Variants in OSBPL1A observed in about 807,000 individuals in gnomAD.
OSBPL1A encodes the protein oxysterol-binding protein-related protein 1.
Under a neutral mutation model 137.1 loss-of-function variants are expected in OSBPL1A, and 80 were observed. The observed-to-expected ratio is 0.58, with a 90% CI of 0.49 to 0.70. The LOEUF is 0.70. OSBPL1A is among the 30% of genes least tolerant of loss of function. The pLI is 0.00. For synonymous variants in OSBPL1A, 365 were observed against 389.7 expected, an observed-to-expected ratio of 0.94 and a Z score of 0.75; for missense variants, 970 against 1,129.4, an observed-to-expected ratio of 0.86 and a Z score of 2.02.
intron 17 of OSBPL1A, among the ~76,000 whole-genome samples, chr18:24,209,663 T>C (rs1204285382): frequency 1.3e-5 from 2 of 152,108 alleles, no homozygotes; most frequent in Admixed American, 1.3e-4. Context: ...TAAGCCAAAC[T>C]GTGGGATATT....
intron 7 of OSBPL1A, among the ~76,000 whole-genome samples, chr18:24,330,108 T>C (rs1205165609): frequency 6.6e-6 from 1 of 152,180 alleles, no homozygotes. Context: ...ATTTTTGTTT[T>C]ATTATTAAGA....
intron 17 of OSBPL1A, among the ~76,000 whole-genome samples, chr18:24,205,906 T>C (rs2087357207): frequency 6.6e-6 from 1 of 152,252 alleles, no homozygotes; most frequent in Non-Finnish European, 1.5e-5. Flanking sequence ...TTGTTGTTGT[T>C]TTGAGACAGA....
intron 2 of OSBPL1A, among the ~76,000 whole-genome samples, chr18:24,372,936 C>T (rs1237548484): frequency 2.6e-5 from 4 of 152,054 alleles, no homozygotes; most frequent in Admixed American, 1.3e-4. Context: ...TGATGGTGGG[C>T]GCCTGTAGTC....
chr18:24,353,141 T>C (rs890709885), intron 4 of OSBPL1A, among the ~76,000 whole-genome samples: 1 of 151,992 alleles, frequency 6.6e-6, no homozygotes, highest in African/African-American at 2.4e-5. Flanking sequence ...ACCTACAAAA[T>C]GGGAGAAGAT....
intron 19 of OSBPL1A, among the ~76,000 whole-genome samples, chr18:24,180,730 A>G (rs2086584512): frequency 6.6e-6 from 1 of 152,186 alleles, no homozygotes; most frequent in Non-Finnish European, 1.5e-5. Flanking sequence ...ACAAAAAATT[A>G]GCCAGGCATA....
chr18:24,355,098 A>C (rs1366448475), intron 4 of OSBPL1A, among the ~76,000 whole-genome samples: 2 of 152,166 alleles, frequency 1.3e-5, no homozygotes, highest in East Asian at 3.8e-4. Flanking sequence ...CTTCTCCGTG[A>C]GGCTGTTGCC....
chr18:24,243,598 G>A (rs969927581), intron 15 of OSBPL1A, among the ~76,000 whole-genome samples: 1 of 152,072 alleles, frequency 6.6e-6, no homozygotes, highest in South Asian at 2.1e-4. Context: ...CAATCTACCC[G>A]TTACCCACCT....
At chr18:24,375,833 A>C (rs1392004368) in intron 2 of OSBPL1A, among the ~76,000 whole-genome samples, 1 of 152,214 alleles carries the variant, frequency 6.6e-6, no homozygotes, top group African/African-American at 2.4e-5. Context: ...AGAAGAAAAA[A>C]AAATTATCAT....
chr18:24,178,221 G>C, intron 20 of OSBPL1A, 26 bp from the exon 21 acceptor site: 128 of 905,810 alleles, frequency 1.4e-4, no homozygotes, highest in Middle Eastern at 2.9e-4. Flanking sequence ...AAAAAAAAAA[G>C]AAAAAAAAAA....
intron 16 of OSBPL1A, among the ~76,000 whole-genome samples, chr18:24,232,190 A>G (rs762740447): frequency 3.9e-5 from 6 of 152,256 alleles, no homozygotes; most frequent in Admixed American, 6.5e-5. Flanking sequence ...TAGCACAGTA[A>G]ATATGAAGAA....
intron 4 of OSBPL1A, among the ~76,000 whole-genome samples, chr18:24,365,678 G>T (rs1417721193): frequency 2.6e-5 from 4 of 152,110 alleles, no homozygotes; most frequent in Non-Finnish European, 5.9e-5. Flanking sequence ...AGGGGAAGGG[G>T]ATGAATATAA....
At chr18:24,225,552 A>T (rs2088046386) in intron 16 of OSBPL1A, among the ~76,000 whole-genome samples, 1 of 152,258 alleles carries the variant, frequency 6.6e-6, no homozygotes, top group African/African-American at 2.4e-5. Flanking sequence ...ATAACTTCCA[A>T]AAAAATTTTA....
intron 1 of OSBPL1A, among the ~76,000 whole-genome samples, chr18:24,396,912 C>T (rs1019395289): frequency 4.6e-5 from 7 of 152,160 alleles, no homozygotes; most frequent in African/African-American, 1.4e-4. Flanking sequence ...GATTTTAAAG[C>T]TGATTTAATT....
intron 2 of OSBPL1A, among the ~76,000 whole-genome samples, chr18:24,371,470 C>T (rs1204193612): frequency 1.3e-5 from 2 of 152,296 alleles, no homozygotes; most frequent in East Asian, 1.9e-4. Flanking sequence ...ACTTTCCTCC[C>T]GAGGTCTAAG....
chr18:24,389,944 AAAAAT>A (rs563541918), intron 1 of OSBPL1A, among the ~76,000 whole-genome samples: 13 of 152,270 alleles, frequency 8.5e-5, no homozygotes, highest in East Asian at 1.9e-4. Flanking sequence ...TCTGTCTCAA[AAAAAT>A]AAAATAAAAT....
intron 11 of OSBPL1A, among the ~76,000 whole-genome samples, chr18:24,315,635 ATT>A (rs35783992): frequency 0.41 from 47,633 of 115,598 alleles, 9,359 homozygotes; most frequent in Middle Eastern, 0.57. Flanking sequence ...AATTATATAT[ATT>A]ATATAGTAAA....
chr18:24,204,311 GCTTAATGACCATC>G (rs2087306521), intron 17 of OSBPL1A, among the ~76,000 whole-genome samples: 2 of 152,142 alleles, frequency 1.3e-5, no homozygotes, highest in Admixed American at 1.3e-4. Flanking sequence ...TTTTTCATAT[GCTTAATGACCATC>G]TGAATTCACA....
intron 2 of OSBPL1A, among the ~76,000 whole-genome samples, chr18:24,374,969 A>G (rs1178045795): frequency 6.6e-6 from 1 of 152,104 alleles, no homozygotes; most frequent in East Asian, 1.9e-4. Flanking sequence ...TCAAACACCA[A>G]GCTAGAGGAA....
At chr18:24,166,445 T>A in intron 26 of OSBPL1A, 134 bp downstream of exon 26, 2 of 1,117,384 alleles carry the variant, frequency 1.8e-6, no homozygotes, top group Non-Finnish European at 2.5e-6. Flanking sequence ...AAATTGAATG[T>A]TAACTCAAAC....
Sources: allele counts gnomAD v4.1 joint callset (sites outside exome capture counted in the v4.1 genomes callset), GRCh38; gene constraint gnomAD v4.1.1; transcripts MANE v1.5; gene names NCBI Gene and HGNC (gene_info 2026-07-23, HGNC 2026-07-21).